UGGT1: variants seen among roughly 807,000 people sequenced by gnomAD.
UGGT1 encodes the protein UDP-glucose glycoprotein glucosyltransferase 1.
A neutral mutation model predicts 203.9 loss-of-function variants in UGGT1; 107 were observed. That is an observed-to-expected ratio of 0.52 (90% CI 0.45 to 0.62). UGGT1 has a LOEUF of 0.62. Among genes scored for constraint, UGGT1 ranks in the 20% least tolerant of loss-of-function variants. The pLI is 0.00. For synonymous variants in UGGT1, 628 were observed against 653.5 expected, an observed-to-expected ratio of 0.96 and a Z score of 0.59; for missense variants, 1,673 against 1,867.2, an observed-to-expected ratio of 0.90 and a Z score of 1.92.
At chr2:128,092,077 A>G (rs1486549466) in intron 1 of UGGT1, among the ~76,000 whole-genome samples, 1 of 152,188 alleles carries the variant, frequency 6.6e-6, no homozygotes, top group African/African-American at 2.4e-5. Flanking sequence ...GTGCTACACT[A>G]ACTGTTTTGG....
In UGGT1 at chr2:128,178,566, T is replaced by C; in HGVS notation, c.3812T>C (p.Leu1271Pro). The C allele has an allele frequency of 6.2e-7, 1 of 1,609,680 alleles. No homozygotes were observed. The highest frequency in any genetic ancestry group is 8.5e-7 in the Non-Finnish European group (1 of 1,178,542). The change falls in exon 34 of 41, where the codon CTT becomes CCT. Residue 1271 changes from leucine to proline, a missense_variant. Physicochemically the swap from Leu to Pro is moderately conservative, Grantham distance 98 (BLOSUM62 -3). Coordinates refer to ENST00000259253, the MANE Select transcript of UGGT1 (RefSeq NM_020120.4). ...TCTGGTCATCTCTACGAAAGATTTC[T>C]TCGGTCAGTCTTGTTGATTATTTCA... ...VASGHLYERFLRIMMLSVLKN... is the reference protein window; with the variant it reads ...VASGHLYERFPRIMMLSVLKN...
In UGGT1 at chr2:128,091,212, G is replaced by T; in HGVS notation, c.-146G>T. The T allele has an allele frequency of 4.5e-6, 4 of 896,746 alleles. No individual in the cohort carries two copies. The South Asian group carries it at 5.4e-5, about 12-fold the overall frequency. 55.5% of individuals were successfully genotyped at this position (896,746 alleles called of 1,614,324 possible). On this transcript the variant is annotated 5_prime_UTR_variant, in exon 1 of 41. Coordinates refer to ENST00000259253, the MANE Select transcript of UGGT1 (RefSeq NM_020120.4). ...AAGGGCGGCCGGCAGCTGGGCAATT[G>T]CTTTGCGAGGCTGGGTGTTGAGTCG...
intron 38 of UGGT1, among the ~76,000 whole-genome samples, chr2:128,183,990 G>C (rs534445487): frequency 6.6e-6 from 1 of 151,826 alleles, no homozygotes; most frequent in African/African-American, 2.4e-5. Context: ...ACATATCAGC[G>C]TGAAAAATGT....
At chr2:128,137,684 A>G (rs1349048661) in intron 15 of UGGT1, among the ~76,000 whole-genome samples, 1 of 152,208 alleles carries the variant, frequency 6.6e-6, no homozygotes, top group Admixed American at 6.5e-5. Context: ...TTTGTGTTTT[A>G]CATTTAGACC....
chr2:128,146,096 G>T, intron 18 of UGGT1, 129 bp downstream of exon 18: 2 of 1,162,778 alleles, frequency 1.7e-6, no homozygotes, highest in Non-Finnish European at 2.4e-6. Context: ...TGGTTTGAGG[G>T]TAGGAAGTCT....
At chr2:128,160,322 C>G in intron 23 of UGGT1, 138 bp from the exon 24 acceptor site, 1 of 846,544 alleles carries the variant, frequency 1.2e-6, no homozygotes, top group Non-Finnish European at 1.7e-6. Context: ...GGAGAATTGA[C>G]ACATCTTAAT....
chr2:128,113,137 A>G lies in UGGT1; in HGVS notation c.575A>G (p.Glu192Gly). The G allele has an allele frequency of 6.2e-7, 1 of 1,611,932 alleles. No homozygotes were observed. Among genetic ancestry groups the G allele is most frequent in the Middle Eastern group, 1.7e-4 (1 of 6,050 alleles). The change falls in exon 6 of 41, where the codon GAA becomes GGA. Residue 192 changes from glutamate (E) to glycine (G), a missense_variant. Glu to Gly is a moderately conservative substitution (Grantham distance 98). Around this residue, in one of 4 missense-constraint regions of UGGT1, gnomAD observed 1,073 missense variants for 1,078.7 expected, o/e 0.99. Coordinates refer to ENST00000259253, the MANE Select transcript of UGGT1 (RefSeq NM_020120.4). ...GDHRYPSSNP[E>G]SPVVIFYSEI... is the part of the protein sequence containing the mutation. ...CACAGATATCCCTCGTCTAATCCTG[A>G]AAGCCCTGTGGTGATTTTCTACTCT...
intron 23 of UGGT1, 138 bp from the exon 24 acceptor site, chr2:128,160,322 C>T: frequency 1.2e-6 from 1 of 846,544 alleles, no homozygotes; most frequent in Non-Finnish European, 1.7e-6. Context: ...GGAGAATTGA[C>T]ACATCTTAAT....
At chr2:128,160,070 A>G (rs1426770324) in intron 23 of UGGT1, among the ~76,000 whole-genome samples, 1 of 152,122 alleles carries the variant, frequency 6.6e-6, no homozygotes, top group Non-Finnish European at 1.5e-5. Context: ...GCCTGTGTTT[A>G]TTCATTTATA....
intron 16 of UGGT1, chr2:128,140,348 G>C (rs1037182749): frequency 2.6e-5 from 4 of 153,520 alleles, no homozygotes; most frequent in African/African-American, 9.6e-5. Context: ...CTGAATGGCA[G>C]GTTGATTCTC....
chr2:128,177,376 G>T (rs1469452285), intron 32 of UGGT1, among the ~76,000 whole-genome samples: 3 of 152,232 alleles, frequency 2.0e-5, no homozygotes, highest in African/African-American at 7.2e-5. Flanking sequence ...GCCATCCATT[G>T]TTGAGAAGAA....
chr2:128,180,601 G>T (rs1341005880), intron 35 of UGGT1, among the ~76,000 whole-genome samples: 1 of 152,176 alleles, frequency 6.6e-6, no homozygotes, highest in Non-Finnish European at 1.5e-5. Flanking sequence ...TGGACTTAAA[G>T]TTCATGTGCT....
chr2:128,183,459 C>T (rs917348625), intron 37 of UGGT1, among the ~76,000 whole-genome samples: 1 of 152,176 alleles, frequency 6.6e-6, no homozygotes, highest in Non-Finnish European at 1.5e-5. Flanking sequence ...ATGGCAAATA[C>T]AGAACAGTAA....
intron 14 of UGGT1, 122 bp from the exon 15 acceptor site, chr2:128,134,754 A>G (rs918207765): frequency 2.7e-5 from 20 of 749,850 alleles, no homozygotes; most frequent in Non-Finnish European, 3.8e-5. Context: ...TTCATCTTTT[A>G]TGTGGTTCAA....
At chr2:128,105,487 C>CTTTATTTTAT (rs70988607) in intron 3 of UGGT1, among the ~76,000 whole-genome samples, 1,719 of 145,434 alleles carry the variant, frequency 0.012, 27 homozygotes, top group Non-Finnish European at 0.013. Flanking sequence ...CTAGATTTTA[C>CTTTATTTTAT]TTTATTTTAT....
chr2:128,166,350 G>A (rs755460613), intron 26 of UGGT1, among the ~76,000 whole-genome samples: 19 of 152,264 alleles, frequency 1.2e-4, no homozygotes, highest in Non-Finnish European at 2.6e-4. Flanking sequence ...TTGGAAATAC[G>A]TTGCAGACAT....
intron 30 of UGGT1, 106 bp from the exon 31 acceptor site, chr2:128,174,667 T>C (rs1174239155): frequency 3.1e-6 from 3 of 975,342 alleles, no homozygotes; most frequent in Non-Finnish European, 4.7e-6. Flanking sequence ...TACTGTGTTA[T>C]TCACATTATA....
At chr2:128,110,633 G>T (rs1687804658) in intron 5 of UGGT1, among the ~76,000 whole-genome samples, 1 of 152,306 alleles carries the variant, frequency 6.6e-6, no homozygotes, top group African/African-American at 2.4e-5. Flanking sequence ...CCTTTATGAA[G>T]AAAAGAACAA....
At chr2:128,174,073 A>G in intron 30 of UGGT1, 134 bp downstream of exon 30, 1 of 1,041,912 alleles carries the variant, frequency 9.6e-7, no homozygotes, top group Non-Finnish European at 1.4e-6. Context: ...TGGTCAATAT[A>G]GAAATCATTA....
Sources: gnomAD v4.1 joint callset for allele counts (sites outside exome capture counted in the v4.1 genomes callset) on GRCh38, gnomAD v4.1.1 for gene constraint, gnomAD v4.1.1 regional missense constraint, MANE v1.5 for transcripts, NCBI Gene and HGNC (gene_info 2026-07-23, HGNC 2026-07-21) for gene names.